Variants in DROSHA observed in about 807,000 individuals in gnomAD.
The protein encoded by DROSHA is ribonuclease 3.
In DROSHA, 56 loss-of-function variants were observed where a neutral mutation model predicts 181.9. The ratio of observed to expected loss-of-function variants is 0.31; its 90% CI spans 0.25 to 0.38. DROSHA has a LOEUF of 0.38. DROSHA is among the 10% of genes least tolerant of loss of function. The pLI is 1.00. For synonymous variants in DROSHA, 524 were observed against 591.2 expected, an observed-to-expected ratio of 0.89 and a Z score of 1.65; for missense variants, 1,218 against 1,743.5, an observed-to-expected ratio of 0.70 and a Z score of 5.37.
intron 14 of DROSHA, among the ~76,000 whole-genome samples, chr5:31,486,129 C>A (rs764827986): frequency 6.6e-6 from 1 of 152,056 alleles, no homozygotes; most frequent in Admixed American, 6.5e-5. Context: ...TTGGAGATAA[C>A]GAATAAGATT....
At chr5:31,477,679 A>G (rs968280697) in intron 16 of DROSHA, among the ~76,000 whole-genome samples, 18 of 152,356 alleles carry the variant, frequency 1.2e-4, no homozygotes, top group African/African-American at 4.1e-4. Flanking sequence ...CTAGGGCAGT[A>G]ATATAAGCAA....
intron 5 of DROSHA, among the ~76,000 whole-genome samples, chr5:31,524,968 G>A (rs1219774064): frequency 2.6e-5 from 4 of 152,174 alleles, no homozygotes; most frequent in South Asian, 2.1e-4. Flanking sequence ...GCCGAGGTGA[G>A]TGGATCACTT....
At chr5:31,441,977 A>C (rs930047576) in intron 23 of DROSHA, among the ~76,000 whole-genome samples, 2 of 152,238 alleles carry the variant, frequency 1.3e-5, no homozygotes, top group African/African-American at 4.8e-5. Context: ...CATTTAGTCA[A>C]ACATGACAAT....
chr5:31,469,282 G>A (rs897012343), intron 17 of DROSHA, among the ~76,000 whole-genome samples: 6 of 152,006 alleles, frequency 3.9e-5, no homozygotes, highest in Admixed American at 2.0e-4. Context: ...ACTTGAACCC[G>A]GGAGGCGGAG....
chr5:31,520,314 A>T (rs1739751651), intron 6 of DROSHA, among the ~76,000 whole-genome samples: 1 of 152,188 alleles, frequency 6.6e-6, no homozygotes. Flanking sequence ...TCCCACTTTA[A>T]AAATTGTATT....
At chr5:31,428,232 C>G (rs1286035870) in intron 27 of DROSHA, among the ~76,000 whole-genome samples, 2 of 126,340 alleles carry the variant, frequency 1.6e-5, no homozygotes, top group South Asian at 2.6e-4. Context: ...CAACAGAACA[C>G]AGTGGATTGG....
chr5:31,409,762 G>A lies in DROSHA; in HGVS notation c.3668-430C>T, dbSNP rs1474360545. On this transcript the variant is annotated intron_variant, in intron 31 of 35. Transcript: ENST00000344624. This position sits in a 1 kb window ranked among gnomAD's most constrained non-coding sequence, Gnocchi z 4.0. Reference sequence around the variant, plus strand: ...GATCCCCTGTTTTTAAGGATTCTATGTTAAATTTAATGAACAGAAATGGGG... The same window carrying A: ...GATCCCCTGTTTTTAAGGATTCTATATTAAATTTAATGAACAGAAATGGGG... Among the ~76,000 whole-genome samples, 3 of 152,088 alleles carry A rather than the reference G, an allele frequency of 2.0e-5. No homozygotes were observed. Among genetic ancestry groups the A allele is most frequent in the East Asian group, 1.9e-4 (1 of 5,200 alleles).
chr5:31,531,054 T>C (rs56154830), intron 2 of DROSHA, 130 bp from the exon 3 acceptor site: 35,164 of 390,430 alleles, frequency 0.09, 1,981 homozygotes, highest in Middle Eastern at 0.12. Context: ...TCATGCAATA[T>C]TTAATGAGCC....
chr5:31,498,801 G>A (rs1256974326), intron 11 of DROSHA, among the ~76,000 whole-genome samples: 1 of 151,752 alleles, frequency 6.6e-6, no homozygotes, highest in Non-Finnish European at 1.5e-5. Flanking sequence ...AGATTGCGGT[G>A]AGCCGAAATC....
intron 31 of DROSHA, among the ~76,000 whole-genome samples, chr5:31,410,362 G>C (rs1043189447): frequency 6.6e-6 from 1 of 152,204 alleles, no homozygotes; most frequent in Non-Finnish European, 1.5e-5. Flanking sequence ...AATAGTTTCA[G>C]TATTTAGTGA....
intron 14 of DROSHA, among the ~76,000 whole-genome samples, chr5:31,485,453 A>G (rs545482278): frequency 6.6e-6 from 1 of 151,988 alleles, no homozygotes; most frequent in Non-Finnish European, 1.5e-5. Context: ...ACAACTCTGC[A>G]CCAAAATTTC....
chr5:31,528,386 C>T (rs1378451217), intron 4 of DROSHA, among the ~76,000 whole-genome samples: 5 of 152,130 alleles, frequency 3.3e-5, no homozygotes, highest in Non-Finnish European at 7.4e-5. Context: ...CCCTCCAAGA[C>T]AAACATTTGC....
intron 20 of DROSHA, among the ~76,000 whole-genome samples, chr5:31,452,982 C>T (rs963967741): frequency 5.3e-5 from 8 of 152,144 alleles, no homozygotes; most frequent in African/African-American, 1.9e-4. Flanking sequence ...TAATAGTTTT[C>T]CAGACATTTA....
At chr5:31,413,074 C>T (rs1741514022) in intron 30 of DROSHA, among the ~76,000 whole-genome samples, 1 of 152,192 alleles carries the variant, frequency 6.6e-6, no homozygotes, top group Non-Finnish European at 1.5e-5. Flanking sequence ...AATGATGATA[C>T]CTCACTGGCG....
chr5:31,483,646 G>GAAAAAAAA lies in DROSHA; in HGVS notation c.1997-26_1997-19dup, dbSNP rs11341915. 1.2e-5 allele frequency: 15 copies of GAAAAAAAA among 1,236,720 alleles called. No homozygotes were observed. The highest frequency in any genetic ancestry group is 5.2e-5 in the East Asian group (2 of 38,600). The allele number at this position is 1,236,720 out of a possible 1,614,324, so 76.6% of individuals were successfully genotyped here. On this transcript the variant is annotated intron_variant, in intron 15 of 35. Transcript: ENST00000344624. ...CAAAGGACCTGAAGCAAACAAATGA[G>GAAAAAAAA]AAAAAAAAAAAAAAAAGAAAACTCA...
At chr5:31,413,508 G>A (rs930431354) in intron 30 of DROSHA, among the ~76,000 whole-genome samples, 9 of 152,190 alleles carry the variant, frequency 5.9e-5, no homozygotes, top group African/African-American at 1.9e-4. Flanking sequence ...ACATGACCCA[G>A]GGGTATCAGC....
chr5:31,451,371 G>C (rs1671636463), intron 21 of DROSHA, among the ~76,000 whole-genome samples, 162 bp downstream of exon 21: 1 of 152,170 alleles, frequency 6.6e-6, no homozygotes, highest in Non-Finnish European at 1.5e-5. Flanking sequence ...AGAATGGGCT[G>C]GAAAGCAGCA....
intron 23 of DROSHA, among the ~76,000 whole-genome samples, chr5:31,440,194 C>T (rs1390112080): frequency 5.9e-5 from 9 of 152,144 alleles, no homozygotes; most frequent in African/African-American, 7.2e-5. Context: ...ACTGGGAGGC[C>T]GACCCTAAGT....
chr5:31,451,743 T>A (rs1396714934), intron 20 of DROSHA, 103 bp from the exon 21 acceptor site: 10 of 886,516 alleles, frequency 1.1e-5, no homozygotes, highest in Non-Finnish European at 1.6e-5. Flanking sequence ...CCAAATTCCA[T>A]CTCACTAAGT....
Sources: gnomAD v4.1 joint callset for allele counts (sites outside exome capture counted in the v4.1 genomes callset) on GRCh38, gnomAD v4.1.1 for gene constraint, Gnocchi (gnomAD v3.1) non-coding constraint, MANE v1.5 for transcripts, NCBI Gene and HGNC (gene_info 2026-07-23, HGNC 2026-07-21) for gene names.